HECTD4: variants seen among roughly 807,000 people sequenced by gnomAD.
The protein encoded by HECTD4 is HECT domain E3 ubiquitin protein ligase 4.
In HECTD4, 114 loss-of-function variants were observed where a neutral mutation model predicts 471.5. The observed-to-expected ratio is 0.24, with a 90% CI of 0.21 to 0.28. HECTD4 has a LOEUF of 0.28. Ranked by LOEUF, HECTD4 falls within the 10% of genes least tolerant of loss-of-function variation. The pLI, the probability that HECTD4 is intolerant of heterozygous loss-of-function variation, is 1.00. For synonymous variants in HECTD4, 2,012 were observed against 2,256.0 expected (o/e 0.89, Z 3.07); for missense variants, 3,866 against 5,651.5 (o/e 0.68, Z 10.13).
chr12:112,327,163 A>C (rs929071503), intron 1 of HECTD4, among the ~76,000 whole-genome samples: 6 of 152,118 alleles, frequency 3.9e-5, no homozygotes, highest in Non-Finnish European at 8.8e-5. Flanking sequence ...CTAAGAATAC[A>C]AAAATTAGCC....
intron 1 of HECTD4, among the ~76,000 whole-genome samples, chr12:112,338,702 A>G (rs1265052164): frequency 6.6e-6 from 1 of 152,206 alleles, no homozygotes; most frequent in Non-Finnish European, 1.5e-5. Flanking sequence ...ACTGGCTCAC[A>G]GTTCTGCAGG....
rs2036878300 is a variant in HECTD4 at position 112,381,074 on chromosome 12, C to T, written c.177+878G>A. Among the ~76,000 whole-genome samples, 1 of 152,156 alleles carries T rather than the reference C, an allele frequency of 6.6e-6. No homozygotes were observed. The highest frequency in any genetic ancestry group is 1.9e-4 in the East Asian group (1 of 5,196). Reference sequence around the variant, plus strand: ...AGTGGAAGGGGAGCAGTGTCAGCATCCGTTGGCCTCCATGAAACGACACTG... The same window carrying T: ...AGTGGAAGGGGAGCAGTGTCAGCATTCGTTGGCCTCCATGAAACGACACTG... On this transcript the variant is annotated intron_variant, in intron 1 of 75. Transcript: ENST00000682272. This position sits in a 1 kb window ranked among gnomAD's most constrained non-coding sequence, Gnocchi z 4.1.
chr12:112,169,934 G>T, intron 69 of HECTD4: 1 of 573,562 alleles, frequency 1.7e-6, no homozygotes, highest in Non-Finnish European at 3.1e-6. Context: ...GGAGGTCCTC[G>T]CCCCCCAACT....
intron 70 of HECTD4, 124 bp from the exon 71 acceptor site, chr12:112,168,041 G>A (rs1011185013): frequency 2.5e-5 from 20 of 800,376 alleles, no homozygotes; most frequent in Admixed American, 2.1e-5. Context: ...GCTGTGGCGG[G>A]GTAGAAAGAA....
chr12:112,372,469 G>A, intron 1 of HECTD4, among the ~76,000 whole-genome samples: 1 of 151,314 alleles, frequency 6.6e-6, no homozygotes, highest in East Asian at 2.0e-4. Context: ...CACCGTGTTA[G>A]CGAAGATGGT....
intron 71 of HECTD4, 22 bp downstream of exon 71, chr12:112,167,792 C>G: frequency 1.3e-6 from 2 of 1,596,718 alleles, no homozygotes; most frequent in South Asian, 2.2e-5. Flanking sequence ...GGGCGTGGAG[C>G]CTCCTCCCGG....
chr12:112,246,141 A>AAAAAT (rs148990896), intron 29 of HECTD4, among the ~76,000 whole-genome samples: 22,479 of 148,914 alleles, frequency 0.15, 2,271 homozygotes, highest in African/African-American at 0.29. Flanking sequence ...CAAAAAAATA[A>AAAAAT]AAAATAAAAT....
intron 29 of HECTD4, among the ~76,000 whole-genome samples, chr12:112,245,746 A>ATAAC (rs1187544710): frequency 6.6e-6 from 1 of 152,268 alleles, no homozygotes; most frequent in Non-Finnish European, 1.5e-5. Context: ...GTTAAGAATG[A>ATAAC]ATGCTTGTGG....
chr12:112,380,101 A>C, intron 1 of HECTD4, among the ~76,000 whole-genome samples: 1 of 152,216 alleles, frequency 6.6e-6, no homozygotes, highest in Non-Finnish European at 1.5e-5. Context: ...TACATAAATG[A>C]CATATATGTA....
At chr12:112,324,138 T>G (rs537242987) in intron 1 of HECTD4, among the ~76,000 whole-genome samples, 25 of 145,192 alleles carry the variant, frequency 1.7e-4, no homozygotes, top group East Asian at 4.0e-4. Flanking sequence ...ATTTTTTTTT[T>G]GACGGGGTCT....
chr12:112,219,391 T>G lies in HECTD4; in HGVS notation c.7069A>C (p.Arg2357=). The G allele has an allele frequency of 6.2e-7, 1 of 1,613,124 alleles. No homozygotes were observed. The highest frequency in any genetic ancestry group is 8.5e-7 in the Non-Finnish European group (1 of 1,179,298). ...AAGCACCGCAGAGGGCTCACCTGTC[T>G]TCGGTCAGCCTGCAAAGGAGGTGGT... ...PPPPPLQADR[R]QPKEITWSPS... Residue 2357 remains arginine (R), a synonymous_variant, in exon 45 of 76, where the codon AGA becomes CGA. Coordinates refer to ENST00000682272, the MANE Select transcript of HECTD4 (RefSeq NM_001388303.1).
chr12:112,341,402 T>A (rs2036052294), intron 1 of HECTD4, among the ~76,000 whole-genome samples: 1 of 152,234 alleles, frequency 6.6e-6, no homozygotes, highest in Non-Finnish European at 1.5e-5. Flanking sequence ...ACTGTTTGGC[T>A]GAATGTGAAT....
chr12:112,304,449 C>T (rs997927330), intron 7 of HECTD4, among the ~76,000 whole-genome samples: 2 of 151,636 alleles, frequency 1.3e-5, no homozygotes, highest in Admixed American at 1.3e-4. Context: ...TTTGCAGAGA[C>T]GGGGTCTCGC....
At chr12:112,370,937 G>C (rs2036654969) in intron 1 of HECTD4, among the ~76,000 whole-genome samples, 1 of 152,132 alleles carries the variant, frequency 6.6e-6, no homozygotes, top group Non-Finnish European at 1.5e-5. Flanking sequence ...TAAACATCTT[G>C]TAAAGCAGAC....
At chr12:112,359,230 C>T (rs1480699785) in intron 1 of HECTD4, among the ~76,000 whole-genome samples, 1 of 150,492 alleles carries the variant, frequency 6.6e-6, no homozygotes, top group Non-Finnish European at 1.5e-5. Flanking sequence ...GGGCCCTCAG[C>T]ATCATCAGCA....
chr12:112,332,073 C>A (rs1462435126), intron 1 of HECTD4, among the ~76,000 whole-genome samples: 2 of 151,998 alleles, frequency 1.3e-5, no homozygotes, highest in Non-Finnish European at 2.9e-5. Context: ...GGGGAGCTGT[C>A]TTCCTAAGAC....
Position 112,162,577 on chromosome 12 carries a change from C to T in HECTD4, c.13121-54G>A, listed in dbSNP as rs2136992588. On this transcript the variant is annotated intron_variant, in intron 75 of 75. Coordinates refer to ENST00000682272, the MANE Select transcript of HECTD4 (RefSeq NM_001388303.1). This position sits in a 1 kb window ranked among gnomAD's most constrained non-coding sequence, Gnocchi z 5.2. ...GTTGGGCCCACATCTGTGAGGCTCC[C>T]AGGGAAGCTGGGCTGGCCTCTGCTT... 6.2e-7 allele frequency: 1 copy of T among 1,610,050 alleles called. No individual in the cohort carries two copies. Among genetic ancestry groups the T allele is most frequent in the East Asian group, 2.2e-5 (1 of 44,792 alleles).
chr12:112,270,446 G>T lies in HECTD4; in HGVS notation c.1956C>A (p.Thr652=). 3 of 1,613,754 alleles carry T rather than the reference G, an allele frequency of 1.9e-6. No homozygotes were observed. In the South Asian group the frequency reaches 3.3e-5, roughly 18 times the overall value. ...IITEPKEEAI[T]TNEVINQLLH... Reference sequence around the variant, plus strand: ...ATAATTGGTTTATAACCTCATTCGTGGTTATAGCCTCTTCTAGAAGATGAA... The same window carrying T: ...ATAATTGGTTTATAACCTCATTCGTTGTTATAGCCTCTTCTAGAAGATGAA... The change falls in exon 12 of 76, where the codon ACC becomes ACA. Residue 652 remains threonine, a synonymous_variant. Coordinates refer to ENST00000682272, the MANE Select transcript of HECTD4 (RefSeq NM_001388303.1).
chr12:112,189,424 C>A (rs559976692), intron 60 of HECTD4, among the ~76,000 whole-genome samples: 1 of 149,958 alleles, frequency 6.7e-6, no homozygotes, highest in African/African-American at 2.5e-5. Context: ...TGGTGGTGGG[C>A]GCCTGTGGTC....
Sources: allele counts gnomAD v4.1 joint callset (sites outside exome capture counted in the v4.1 genomes callset), GRCh38; gene constraint gnomAD v4.1.1; non-coding constraint Gnocchi (gnomAD v3.1); transcripts MANE v1.5; gene names NCBI Gene and HGNC (gene_info 2026-07-23, HGNC 2026-07-21).